DMD: variants seen among roughly 807,000 people sequenced by gnomAD.
DMD encodes the protein mutant dystrophin.
A neutral mutation model predicts 330.1 loss-of-function variants in DMD; 63 were observed. The observed-to-expected ratio is 0.19, with a 90% CI of 0.16 to 0.24. The LOEUF (loss-of-function observed/expected upper bound fraction) is 0.24, where lower values mean the gene tolerates loss of function less well. DMD is among the 10% of genes least tolerant of loss of function. The pLI is 1.00. For synonymous variants in DMD, 1,223 were observed against 959.8 expected, an observed-to-expected ratio of 1.27 and a Z score of -5.07; for missense variants, 3,344 against 2,684.1, an observed-to-expected ratio of 1.25 and a Z score of -5.43.
intron 1 of DMD, among the ~76,000 whole-genome samples, chrX:33,024,839 C>G (rs1366227113): frequency 9.0e-6 from 1 of 111,720 alleles, no homozygotes; most frequent in Non-Finnish European, 1.9e-5. Flanking sequence ...AATTGCCAAG[C>G]CTTAGCGTCT....
At chrX:33,129,293 T>C (rs1269887534) in intron 1 of DMD, among the ~76,000 whole-genome samples, 3 of 92,605 alleles carry the variant, frequency 3.2e-5, no homozygotes, top group Non-Finnish European at 6.2e-5. Flanking sequence ...GAAGTTCATG[T>C]AAAAGAAATC....
intron 33 of DMD, among the ~76,000 whole-genome samples, chrX:32,382,923 G>A (rs896922927): frequency 2.7e-5 from 3 of 110,712 alleles, no homozygotes; most frequent in Non-Finnish European, 5.7e-5. Context: ...GTGTGTATGC[G>A]AGGAATGGAT....
chrX:32,790,063 C>A (rs2075704211), intron 7 of DMD, among the ~76,000 whole-genome samples: 1 of 111,770 alleles, frequency 8.9e-6, no homozygotes, highest in African/African-American at 3.3e-5. Flanking sequence ...GATCCACTAA[C>A]TCCACACGAT....
intron 37 of DMD, among the ~76,000 whole-genome samples, chrX:32,360,377 T>G (rs2097827287): frequency 8.9e-6 from 1 of 111,943 alleles, no homozygotes; most frequent in Admixed American, 9.5e-5. Flanking sequence ...AGAGCATAAT[T>G]ATCTCTTCAG....
chrX:32,004,355 C>A (rs1173428338), intron 44 of DMD, among the ~76,000 whole-genome samples: 2 of 111,637 alleles, frequency 1.8e-5, no homozygotes, highest in Non-Finnish European at 3.8e-5. Flanking sequence ...ACAGAACCAA[C>A]AAGATGCAAA....
At chrX:32,059,425 C>A (rs1255866782) in intron 44 of DMD, among the ~76,000 whole-genome samples, 1 of 111,007 alleles carries the variant, frequency 9.0e-6, no homozygotes, top group African/African-American at 3.3e-5. Flanking sequence ...GCACCATAAA[C>A]ACATATATGA....
rs192881235 is a variant in DMD at position 31,236,164 on chromosome X, C to T, written c.9287-13043G>A. On this transcript the variant is annotated intron_variant, in intron 63 of 78. Coordinates refer to ENST00000357033, the MANE Select transcript of DMD (RefSeq NM_004006.3). ...GTCTTGGAACCATCAGGACCAAAGTCACTCGTTAAAAATGGTACAGCAGAA... is the reference window on the plus strand; with the variant it reads ...GTCTTGGAACCATCAGGACCAAAGTTACTCGTTAAAAATGGTACAGCAGAA... 2.5e-3 allele frequency among the ~76,000 whole-genome samples: 286 copies of T among 112,388 alleles called. 1 individual carries two copies. Among genetic ancestry groups the T allele is most frequent in the African/African-American group, 8.3e-3 (258 of 30,961 alleles).
chrX:32,779,028 C>G (rs2074447546), intron 7 of DMD, among the ~76,000 whole-genome samples: 1 of 111,634 alleles, frequency 9.0e-6, no homozygotes, highest in Non-Finnish European at 1.9e-5. Context: ...CCGATATACT[C>G]TAATTCTGGT....
chrX:32,618,034 C>T (rs2057712311), intron 11 of DMD, among the ~76,000 whole-genome samples: 1 of 111,377 alleles, frequency 9.0e-6, no homozygotes, highest in Admixed American at 9.5e-5. Flanking sequence ...AGCTTACTTG[C>T]AAAGAAAAGG....
At chrX:32,273,562 C>CA (rs2097373742) in intron 43 of DMD, among the ~76,000 whole-genome samples, 1 of 110,185 alleles carries the variant, frequency 9.1e-6, no homozygotes, top group Non-Finnish European at 1.9e-5. Flanking sequence ...ACACATTTCC[C>CA]AGCCCCACTT....
intron 50 of DMD, among the ~76,000 whole-genome samples, chrX:31,777,742 T>C (rs1482624893): frequency 8.9e-6 from 1 of 112,167 alleles, no homozygotes; most frequent in Non-Finnish European, 1.9e-5. Context: ...ACCAATCTAA[T>C]GGAATTGTGT....
intron 47 of DMD, among the ~76,000 whole-genome samples, chrX:31,928,320 T>TG (rs1157752306): frequency 8.9e-6 from 1 of 111,775 alleles, no homozygotes; most frequent in African/African-American, 3.3e-5. Context: ...TAAAAAATTT[T>TG]GGAGGCTGGG....
rs769904920 is a variant in DMD, at chrX:31,757,081, A to G, written c.7542+16879T>C. ...CTTTAAAATAGCATAAATAACATCAACAATCCTTCCCTATGTGTATATAAA... is the reference window on the plus strand; with the variant it reads ...CTTTAAAATAGCATAAATAACATCAGCAATCCTTCCCTATGTGTATATAAA... On this transcript the variant is annotated intron_variant, in intron 51 of 78. Coordinates refer to ENST00000357033, the MANE Select transcript of DMD (RefSeq NM_004006.3). 6.3e-5 allele frequency among the ~76,000 whole-genome samples: 7 copies of G among 111,055 alleles called. No homozygotes were observed. In the South Asian group the frequency reaches 2.7e-3, roughly 42 times the overall value.
intron 44 of DMD, among the ~76,000 whole-genome samples, chrX:32,201,655 A>C (rs2097039418): frequency 9.0e-6 from 1 of 111,683 alleles, no homozygotes; most frequent in African/African-American, 3.3e-5. Context: ...AAGATTGTCT[A>C]GGGAAAATGC....
chrX:31,448,530 T>C (rs1425881855), intron 59 of DMD, among the ~76,000 whole-genome samples: 2 of 112,347 alleles, frequency 1.8e-5, no homozygotes, highest in Admixed American at 9.4e-5. Context: ...AGATTAGAGC[T>C]TTTAATATGA....
At position 31,955,047 on chromosome X, in the gene DMD, G is replaced by A. The variant is rs966091126; in HGVS notation, c.6614+13292C>T. Among the ~76,000 whole-genome samples the A allele has an allele frequency of 1.0e-4, 11 of 106,672 alleles. No homozygotes were observed. In the East Asian group the frequency reaches 2.7e-3, roughly 26 times the overall value. The allele number at this position is 106,672 out of a possible 115,157, so 92.6% of individuals were successfully genotyped here. A position where few individuals can be genotyped will look rare whatever the true frequency, so the allele number is the denominator to read the frequency against. Reference sequence around the variant, plus strand: ...AAGAAATAGCTGGGTGTAGTAGCCCGTGTCTGTGGTCCCAGCTACTCAGGA... The same window carrying A: ...AAGAAATAGCTGGGTGTAGTAGCCCATGTCTGTGGTCCCAGCTACTCAGGA... On this transcript the variant is annotated intron_variant, in intron 45 of 78. Coordinates refer to ENST00000357033, the MANE Select transcript of DMD (RefSeq NM_004006.3).
chrX:32,857,840 C>T (rs1378529802), intron 2 of DMD, among the ~76,000 whole-genome samples: 13 of 111,293 alleles, frequency 1.2e-4, no homozygotes, highest in African/African-American at 1.6e-4. Flanking sequence ...AGGTCAAAAA[C>T]GCAGACAGAA....
At chrX:32,890,010 A>T (rs2085044510) in intron 2 of DMD, among the ~76,000 whole-genome samples, 1 of 111,906 alleles carries the variant, frequency 8.9e-6, no homozygotes, top group South Asian at 3.8e-4. Flanking sequence ...TATATAAATT[A>T]AGTTCAGATT....
chrX:32,607,762 T>C (rs962216583), intron 12 of DMD, among the ~76,000 whole-genome samples: 9 of 110,689 alleles, frequency 8.1e-5, no homozygotes, highest in African/African-American at 2.9e-4. Context: ...AAGGTTTCCC[T>C]AAAATGCATT....
Sources: allele counts gnomAD v4.1 joint callset (sites outside exome capture counted in the v4.1 genomes callset), GRCh38; gene constraint gnomAD v4.1.1; transcripts MANE v1.5; gene names NCBI Gene and HGNC (gene_info 2026-07-23, HGNC 2026-07-21).